DAPK1: variants seen among roughly 807,000 people sequenced by gnomAD.
DAPK1 encodes the protein death associated protein kinase 1, also known as death-associated protein kinase 1.
A neutral mutation model predicts 144.9 loss-of-function variants in DAPK1; 56 were observed. The ratio of observed to expected loss-of-function variants is 0.39; its 90% CI spans 0.31 to 0.48. The LOEUF (loss-of-function observed/expected upper bound fraction) is 0.48. Ranked by LOEUF, DAPK1 falls within the 20% of genes least tolerant of loss-of-function variation. The pLI, the probability that DAPK1 is intolerant of heterozygous loss-of-function variation, is 0.95. For missense variants in DAPK1, 1,454 were observed against 1,875.4 expected (o/e 0.78, Z 4.15); for synonymous variants, 690 against 749.0 (o/e 0.92, Z 1.29).
chr9:87,675,651 A>G (rs1444511357), intron 19 of DAPK1, among the ~76,000 whole-genome samples: 1 of 151,930 alleles, frequency 6.6e-6, no homozygotes, highest in African/African-American at 2.4e-5. Flanking sequence ...CTGGAGCCTC[A>G]GGGTCAGGAT....
intron 2 of DAPK1, among the ~76,000 whole-genome samples, chr9:87,522,002 C>G (rs1198558968): frequency 1.3e-5 from 2 of 152,208 alleles, no homozygotes; most frequent in Admixed American, 1.3e-4. Flanking sequence ...TGCCCTCTTG[C>G]CATGCGATGC....
In DAPK1 at chr9:87,706,456, G is replaced by A. The variant is rs775316360; in HGVS notation, c.3385G>A (p.Val1129Met). The A allele has an allele frequency of 8.7e-6, 14 of 1,613,562 alleles. No homozygotes were observed. The Admixed American group carries it at 1.0e-4, about 12-fold the overall frequency. ...EEDEVMVYGG[V>M]RIVPVEHLTP... ...GGACGAGGTGATGGTGTATGGTGGC[G>A]TGCGCATCGTGCCCGTGGAACACCT... Residue 1129 changes from valine (V) to methionine (M), a missense_variant, in exon 26 of 26, where the codon GTG becomes ATG. Transcript: ENST00000408954. This position sits in a 1 kb window ranked among gnomAD's most constrained non-coding sequence, Gnocchi z 9.0.
At chr9:87,529,817 C>T (rs570188488) in intron 2 of DAPK1, among the ~76,000 whole-genome samples, 48 of 152,370 alleles carry the variant, frequency 3.2e-4, no homozygotes, top group African/African-American at 1.1e-3. Context: ...TCACCTGCCC[C>T]TAGAACAGGT....
chr9:87,568,568 G>GTTC (rs1219839752), intron 2 of DAPK1, among the ~76,000 whole-genome samples: 4 of 152,194 alleles, frequency 2.6e-5, no homozygotes, highest in Non-Finnish European at 4.4e-5. Flanking sequence ...AGGAATGTTG[G>GTTC]CTAAAGAGAG....
intron 2 of DAPK1, among the ~76,000 whole-genome samples, chr9:87,501,591 A>T (rs555363098): frequency 1.3e-5 from 2 of 152,354 alleles, no homozygotes; most frequent in African/African-American, 4.8e-5. Context: ...TATCTTTAGC[A>T]GTCATCTAAA....
chr9:87,625,433 G>T (rs547252031), intron 3 of DAPK1, among the ~76,000 whole-genome samples: 7 of 152,342 alleles, frequency 4.6e-5, no homozygotes, highest in African/African-American at 1.4e-4. Flanking sequence ...CCAGTCTCCA[G>T]CTGCCAGCAT....
intron 2 of DAPK1, among the ~76,000 whole-genome samples, chr9:87,579,592 C>A (rs1345511805): frequency 6.6e-6 from 1 of 152,100 alleles, no homozygotes; most frequent in African/African-American, 2.4e-5. Context: ...CAGAACTGAG[C>A]ATCACTTGGG....
chr9:87,626,541 C>G (rs1461394917), intron 3 of DAPK1, among the ~76,000 whole-genome samples: 1 of 152,198 alleles, frequency 6.6e-6, no homozygotes, highest in African/African-American at 2.4e-5. Flanking sequence ...AGCCTGCAAC[C>G]GAGCATCACC....
Position 87,681,455 on chromosome 9 carries a change from C to A in DAPK1, c.2053C>A (p.Gln685Lys). The A allele has an allele frequency of 1.2e-6, 2 of 1,613,572 alleles. No homozygotes were observed. Among genetic ancestry groups the A allele is most frequent in the African/African-American group, 2.7e-5 (2 of 75,022 alleles). The change falls in exon 20 of 26, where the codon CAG (glutamine) becomes AAG (lysine). Residue 685 changes from glutamine to lysine, a missense_variant. Physicochemically the swap from Gln to Lys is moderately conservative, Grantham distance 53. Around this residue, in one of 2 missense-constraint regions of DAPK1, gnomAD observed 1,025 missense variants for 1,237.9 expected, o/e 0.83. Transcript: ENST00000408954. Reference protein sequence around the residue: ...IQQLRPTQNLQPRIKLKLFGH... With the variant: ...IQQLRPTQNLKPRIKLKLFGH... ...GCAGCTCCGACCCACACAGAACCTG[C>A]AGCCAAGAATTAAGCTCAAGCTGTT...
At chr9:87,584,979 A>G (rs1299756689) in intron 2 of DAPK1, among the ~76,000 whole-genome samples, 4 of 152,194 alleles carry the variant, frequency 2.6e-5, no homozygotes. Flanking sequence ...GTCCAGCCGT[A>G]TATCCTCTTT....
At position 87,660,096 on chromosome 9, in the gene DAPK1, G is replaced by A. The variant is rs764656835; in HGVS notation, c.1923+1969G>A. Among the ~76,000 whole-genome samples the A allele has an allele frequency of 4.5e-4, 68 of 152,166 alleles. 1 individual carries two copies. The highest frequency in any genetic ancestry group is 8.5e-4 in the Non-Finnish European group (58 of 68,026). ...CCCGTCCTCAGCCGGACAGAGTCCCGGGAGGATCTCCCTGCCCTGTTCAGG... is the reference window on the plus strand; with the variant it reads ...CCCGTCCTCAGCCGGACAGAGTCCCAGGAGGATCTCCCTGCCCTGTTCAGG... On this transcript the variant is annotated intron_variant, in intron 18 of 25. Transcript: ENST00000408954.
In DAPK1 at chr9:87,566,063, C is replaced by G. The variant is rs187691020; in HGVS notation, c.63-38891C>G. Among the ~76,000 whole-genome samples, 36 of 149,214 alleles carry G rather than the reference C, an allele frequency of 2.4e-4. No homozygotes were observed. The East Asian group carries it at 6.5e-3, about 27-fold the overall frequency. ...TGAGTTGGAGTCTTGCTCTGTGGCC[C>G]AGGCTGGAGTGCAGTGGCACGATCT... On this transcript the variant is annotated intron_variant, in intron 2 of 25. Transcript: ENST00000408954.
intron 2 of DAPK1, chr9:87,525,265 CT>C: frequency 6.7e-7 from 1 of 1,493,714 alleles, no homozygotes; most frequent in Non-Finnish European, 9.3e-7. Flanking sequence ...TTGAATAGAG[CT>C]TCTTGCTTTT....
At position 87,706,809 on chromosome 9, in the gene DAPK1, T is replaced by A. The variant is rs1304820607; in HGVS notation, c.3738T>A (p.His1246Gln). Residue 1246 changes from histidine to glutamine, a missense_variant, in exon 26 of 26, where the codon CAT becomes CAA. Physicochemically the swap from His to Gln is conservative, Grantham distance 24 (BLOSUM62 0). This residue lies in a region of DAPK1 where 1,025 missense variants were observed against 1,237.9 expected (regional missense o/e 0.83). Coordinates refer to ENST00000408954, the MANE Select transcript of DAPK1 (RefSeq NM_004938.4). The surrounding 1 kb of genome is among the most constrained non-coding windows in gnomAD (Gnocchi z 9.0). ...YLSPQQLREHHEPVMIYQPRD... is the reference protein window; with the variant it reads ...YLSPQQLREHQEPVMIYQPRD... ...GCCCCCAGCAGCTGCGGGAGCACCATGAGCCCGTCATGATCTACCAGCCAC... is the reference window on the plus strand; with the variant it reads ...GCCCCCAGCAGCTGCGGGAGCACCAAGAGCCCGTCATGATCTACCAGCCAC... The A allele has an allele frequency of 6.2e-7, 1 of 1,613,536 alleles. No homozygotes were observed. The highest frequency in any genetic ancestry group is 1.3e-5 in the African/African-American group (1 of 74,926).
At chr9:87,572,360 T>C (rs1827393084) in intron 2 of DAPK1, among the ~76,000 whole-genome samples, 2 of 152,200 alleles carry the variant, frequency 1.3e-5, no homozygotes, top group South Asian at 4.1e-4. Flanking sequence ...CCGTTATAGA[T>C]GGGAGCCAGC....
chr9:87,657,955 C>CT (rs1830689066), intron 17 of DAPK1, 74 bp from the exon 18 acceptor site: 1 of 724,822 alleles, frequency 1.4e-6, no homozygotes, highest in Admixed American at 2.0e-5. Flanking sequence ...CTTCCTTAAC[C>CT]TTGTGTCTCC....
In DAPK1 at chr9:87,640,468, T is replaced by C. The variant is rs1830057944; in HGVS notation, c.782+18T>C. On this transcript the variant is annotated intron_variant, in intron 8 of 25. Transcript: ENST00000408954. ...GATCCAAAGTGAGTGTCCACGTTCC[T>C]GAAAGGTGCTTGGCCACGGCCTCAG... 1 of 1,611,880 alleles carries C rather than the reference T, an allele frequency of 6.2e-7. No homozygotes were observed. Among genetic ancestry groups the C allele is most frequent in the Non-Finnish European group, 8.5e-7 (1 of 1,178,918 alleles).
At chr9:87,623,808 C>G (rs141493440) in intron 3 of DAPK1, among the ~76,000 whole-genome samples, 1 of 152,044 alleles carries the variant, frequency 6.6e-6, no homozygotes, top group East Asian at 1.9e-4. Flanking sequence ...AATGTAGAGA[C>G]GGTGAAAAAA....
rs1401232423 is a variant in DAPK1 at position 87,640,397 on chromosome 9, T to C, written c.729T>C (p.Asn243=). The C allele has an allele frequency of 6.2e-7, 1 of 1,614,076 alleles. No individual in the cohort carries two copies. Among genetic ancestry groups the C allele is most frequent in the Non-Finnish European group, 8.5e-7 (1 of 1,179,996 alleles). ...AATTTGAGGATGAATACTTCAGTAA[T>C]ACCAGTGCCCTAGCCAAAGATTTCA... ...NYEFEDEYFS[N]TSALAKDFIR... The change falls in exon 8 of 26, where the codon AAT becomes AAC. Residue 243 remains asparagine, a synonymous_variant. Coordinates refer to ENST00000408954, the MANE Select transcript of DAPK1 (RefSeq NM_004938.4).
Sources: allele counts gnomAD v4.1 joint callset (sites outside exome capture counted in the v4.1 genomes callset), GRCh38; gene constraint gnomAD v4.1.1; regional missense constraint gnomAD v4.1.1; non-coding constraint Gnocchi (gnomAD v3.1); transcripts MANE v1.5; gene names NCBI Gene and HGNC (gene_info 2026-07-23, HGNC 2026-07-21).